Variants in ACTR3C observed in about 807,000 individuals in gnomAD.
The protein encoded by ACTR3C is actin-related protein 3C.
In ACTR3C, 18 loss-of-function variants were observed where a neutral mutation model predicts 26.3. The ratio of observed to expected loss-of-function variants is 0.68; its 90% CI spans 0.47 to 1.01. The LOEUF is 1.01. ACTR3C is among the 50% of genes least tolerant of loss of function. The pLI is 0.00. For missense variants in ACTR3C, 184 were observed against 250.7 expected, an observed-to-expected ratio of 0.73 and a Z score of 1.80; for synonymous variants, 55 against 94.5, an observed-to-expected ratio of 0.58 and a Z score of 2.42.
the ACTR3C span, among the ~76,000 whole-genome samples, chr7:150,134,560 A>G: frequency 6.6e-6 from 1 of 152,266 alleles, no homozygotes; most frequent in African/African-American, 2.4e-5. Flanking sequence ...TTAGTCAGAT[A>G]TAGTTCAGGT....
At chr7:150,120,611 A>G in the ACTR3C span, among the ~76,000 whole-genome samples, 31 of 152,302 alleles carry the variant, frequency 2.0e-4, no homozygotes, top group African/African-American at 6.5e-4. Context: ...CCAACCAAAA[A>G]AAAAGCCCAG....
the ACTR3C span, among the ~76,000 whole-genome samples, chr7:150,113,522 A>G: frequency 6.6e-6 from 1 of 152,214 alleles, no homozygotes; most frequent in Non-Finnish European, 1.5e-5. Context: ...CAGGCATGGT[A>G]CTAGAAGCTG....
chr7:150,161,202 T>TATATATATATATATATATATATATATA, the ACTR3C span, among the ~76,000 whole-genome samples: 14 of 103,000 alleles, frequency 1.4e-4, no homozygotes, highest in African/African-American at 5.5e-4. Flanking sequence ...AGGAAAGTAT[T>TATATATATATATATATATATATATATA]TATATATATA....
the ACTR3C span, among the ~76,000 whole-genome samples, chr7:149,971,850 A>G: frequency 6.6e-6 from 1 of 152,220 alleles, no homozygotes; most frequent in African/African-American, 2.4e-5. Flanking sequence ...ACTGCACACC[A>G]ATGGGCTGCG....
chr7:149,946,902 C>A, the ACTR3C span, among the ~76,000 whole-genome samples: 1 of 151,850 alleles, frequency 6.6e-6, no homozygotes, highest in African/African-American at 2.4e-5. Context: ...CATTACAACA[C>A]CACGAATCAA....
the ACTR3C span, among the ~76,000 whole-genome samples, chr7:150,172,243 A>G: frequency 0.14 from 21,572 of 150,358 alleles, 3,314 homozygotes; most frequent in African/African-American, 0.33. Context: ...ATAAAGACAT[A>G]CCCAAGACTA....
At chr7:149,938,495 G>T in the ACTR3C span, among the ~76,000 whole-genome samples, 42 of 152,066 alleles carry the variant, frequency 2.8e-4, no homozygotes, top group African/African-American at 8.9e-4. Flanking sequence ...TAAATGAATG[G>T]TAGCCAAATT....
chr7:150,222,303 T>C, the ACTR3C span, among the ~76,000 whole-genome samples: 1 of 152,190 alleles, frequency 6.6e-6, no homozygotes, highest in South Asian at 2.1e-4. Context: ...CGCCTCCTAG[T>C]GCACATCCTT....
At chr7:150,136,144 A>G in the ACTR3C span, among the ~76,000 whole-genome samples, 5 of 152,104 alleles carry the variant, frequency 3.3e-5, no homozygotes, top group African/African-American at 9.7e-5. Context: ...TGGGGTTTGG[A>G]GCCAGGCCTC....
At chr7:150,290,352 C>T (rs1158542456) in intron 3 of ACTR3C, among the ~76,000 whole-genome samples, 1 of 152,220 alleles carries the variant, frequency 6.6e-6, no homozygotes, top group Admixed American at 6.5e-5. Context: ...GCCCAAAGCT[C>T]CCTCATCAGC....
At chr7:150,294,262 G>T (rs6968928) in intron 2 of ACTR3C, among the ~76,000 whole-genome samples, 1 of 152,026 alleles carries the variant, frequency 6.6e-6, no homozygotes, top group African/African-American at 2.4e-5. Context: ...TCTTCTAGTG[G>T]GCAGAGGCCA....
At chr7:150,309,919 TA>T (rs1247323234) in intron 1 of ACTR3C, among the ~76,000 whole-genome samples, 1 of 152,146 alleles carries the variant, frequency 6.6e-6, no homozygotes, top group East Asian at 1.9e-4. Flanking sequence ...GTCCCCTTTT[TA>T]ATTGATATGG....
intron 6 of ACTR3C, among the ~76,000 whole-genome samples, chr7:150,273,764 C>G (rs1384339385): frequency 1.3e-5 from 2 of 151,506 alleles, no homozygotes; most frequent in African/African-American, 4.9e-5. Flanking sequence ...CCCCCGCCCT[C>G]CGGCCTCCAC....
At chr7:149,893,977 G>A in the ACTR3C span, among the ~76,000 whole-genome samples, 4 of 152,130 alleles carry the variant, frequency 2.6e-5, no homozygotes, top group African/African-American at 4.8e-5. Flanking sequence ...ACAGTCAAGG[G>A]AATCTTAAGC....
the ACTR3C span, among the ~76,000 whole-genome samples, chr7:150,084,431 GAGA>G: frequency 1.1e-4 from 17 of 152,102 alleles, no homozygotes; most frequent in African/African-American, 3.1e-4. Context: ...GATACGTGTT[GAGA>G]AGAAGATAAA....
At chr7:150,012,488 T>C in the ACTR3C span, among the ~76,000 whole-genome samples, 1 of 151,308 alleles carries the variant, frequency 6.6e-6, no homozygotes, top group Non-Finnish European at 1.5e-5. Context: ...CTAATTTTTT[T>C]GTATTTTTAG....
At chr7:150,161,258 A>T in the ACTR3C span, among the ~76,000 whole-genome samples, 2 of 132,492 alleles carry the variant, frequency 1.5e-5, no homozygotes, top group Non-Finnish European at 3.1e-5. Flanking sequence ...GTACATGTGC[A>T]CAACATGCAG....
the ACTR3C span, among the ~76,000 whole-genome samples, chr7:150,175,634 T>C: frequency 2.0e-5 from 3 of 148,162 alleles, no homozygotes; most frequent in African/African-American, 5.3e-5. Flanking sequence ...ACCAACATGG[T>C]GAAACCGGGT....
At chr7:150,055,463 A>G in the ACTR3C span, among the ~76,000 whole-genome samples, 1 of 151,956 alleles carries the variant, frequency 6.6e-6, no homozygotes, top group African/African-American at 2.4e-5. Flanking sequence ...AAGAATAAAA[A>G]AAAGAAACCA....
Sources: gnomAD v4.1 joint callset for allele counts (sites outside exome capture counted in the v4.1 genomes callset) on GRCh38, gnomAD v4.1.1 for gene constraint, MANE v1.5 for transcripts, NCBI Gene and HGNC (gene_info 2026-07-23, HGNC 2026-07-21) for gene names.